Variants in RTF2 observed in about 807,000 individuals in gnomAD.
RTF2 encodes replication termination factor 2.
In RTF2, 18 loss-of-function variants were observed where a neutral mutation model predicts 38.0. The observed-to-expected ratio is 0.47, with a 90% CI of 0.33 to 0.70. The LOEUF is 0.70. Among genes scored for constraint, RTF2 ranks in the 30% least tolerant of loss-of-function variants. RTF2 has a pLI of 0.02. For synonymous variants in RTF2, 126 were observed against 137.1 expected, an observed-to-expected ratio of 0.92 and a Z score of 0.57; for missense variants, 311 against 379.6, an observed-to-expected ratio of 0.82 and a Z score of 1.50.
intron 5 of RTF2, among the ~76,000 whole-genome samples, chr20:56,492,133 CTAA>C (rs1382950956): frequency 6.6e-6 from 1 of 152,042 alleles, no homozygotes; most frequent in Non-Finnish European, 1.5e-5. Context: ...CCATGAACTT[CTAA>C]GTCTTTTCAT....
intron 5 of RTF2, among the ~76,000 whole-genome samples, chr20:56,490,975 G>T (rs1983089249): frequency 6.6e-6 from 1 of 152,246 alleles, no homozygotes; most frequent in Admixed American, 6.5e-5. Context: ...CACCATCACA[G>T]AAGGTGCTAG....
In RTF2 at chr20:56,513,440, C is replaced by T. The variant is rs1180764827; in HGVS notation, c.591+12C>T. ...CGAAGCTGGAAAAGGTAATGGGAGT[C>T]TTCAGGTTCCGCCCAGCCCCCATCT... On this transcript the variant is annotated intron_variant, in intron 6 of 8. Transcript: ENST00000357348. The T allele has an allele frequency of 1.3e-6, 2 of 1,570,094 alleles. No individual in the cohort carries two copies. The highest frequency in any genetic ancestry group is 2.3e-5 in the East Asian group (1 of 42,742).
chr20:56,475,166 C>T (rs918370979), intron 3 of RTF2, among the ~76,000 whole-genome samples: 14 of 152,120 alleles, frequency 9.2e-5, no homozygotes, highest in African/African-American at 3.4e-4. Flanking sequence ...TTCTGATTGG[C>T]AGTTAAAGTT....
intron 5 of RTF2, among the ~76,000 whole-genome samples, chr20:56,493,569 T>G (rs941306498): frequency 6.7e-6 from 1 of 148,986 alleles, no homozygotes; most frequent in African/African-American, 2.5e-5. Flanking sequence ...AGTGAGAAAA[T>G]CACTTGAGCC....
intron 5 of RTF2, among the ~76,000 whole-genome samples, chr20:56,494,893 G>A (rs1353436652): frequency 6.6e-6 from 1 of 152,196 alleles, no homozygotes; most frequent in African/African-American, 2.4e-5. Flanking sequence ...TCTCTGTGCA[G>A]TAGTTCCTGC....
chr20:56,491,120 C>G (rs1266882121), intron 5 of RTF2, among the ~76,000 whole-genome samples: 1 of 152,254 alleles, frequency 6.6e-6, no homozygotes, highest in Non-Finnish European at 1.5e-5. Context: ...AATAGGGTTA[C>G]ATTGCTTGCA....
chr20:56,511,959 A>C (rs1436810872), intron 5 of RTF2, among the ~76,000 whole-genome samples: 2 of 152,102 alleles, frequency 1.3e-5, no homozygotes, highest in East Asian at 1.9e-4. Context: ...CAGCCTCCCG[A>C]GTAGCTGGGA....
intron 3 of RTF2, among the ~76,000 whole-genome samples, chr20:56,475,836 G>GA (rs1454158061): frequency 5.3e-5 from 8 of 151,920 alleles, no homozygotes; most frequent in African/African-American, 2.4e-5. Flanking sequence ...ATATTTAATG[G>GA]AAAAAAACTC....
intron 5 of RTF2, among the ~76,000 whole-genome samples, chr20:56,492,943 C>T (rs891110588): frequency 7.2e-5 from 11 of 152,140 alleles, no homozygotes; most frequent in Non-Finnish European, 8.8e-5. Context: ...TTTGGGAGGC[C>T]GAGGCGGGTG....
At chr20:56,507,497 G>A (rs1984356261) in intron 5 of RTF2, among the ~76,000 whole-genome samples, 1 of 152,166 alleles carries the variant, frequency 6.6e-6, no homozygotes, top group Admixed American at 6.5e-5. Flanking sequence ...TCTAATGTGA[G>A]GGGTTCCTGA....
chr20:56,505,301 CAT>C (rs1249832759), intron 5 of RTF2, among the ~76,000 whole-genome samples: 1 of 151,890 alleles, frequency 6.6e-6, no homozygotes, highest in Non-Finnish European at 1.5e-5. Context: ...AGCCTGGAAA[CAT>C]AGCAAGACCC....
chr20:56,507,647 C>T lies in RTF2; in HGVS notation c.478-5668C>T, dbSNP rs1006032851. ...AGGAGACCGCTTACCCCAACACTGT[C>T]GGAAGGAGGGGCAGCAAGGAGTGAT... On this transcript the variant is annotated intron_variant, in intron 5 of 8. Coordinates refer to ENST00000357348, the MANE Select transcript of RTF2 (RefSeq NM_016407.5). Among the ~76,000 whole-genome samples, 11 of 152,074 alleles carry T rather than the reference C, an allele frequency of 7.2e-5. No individual in the cohort carries two copies. In the East Asian group the frequency reaches 1.9e-3, roughly 27 times the overall value.
At chr20:56,474,235 CT>C (rs1367442777) in intron 2 of RTF2, among the ~76,000 whole-genome samples, 2 of 152,176 alleles carry the variant, frequency 1.3e-5, no homozygotes, top group Admixed American at 6.5e-5. Context: ...GATCCCAGCA[CT>C]TTGGGAGGCT....
chr20:56,517,935 G>GCCAACTCC, intron 8 of RTF2, 152 bp from the exon 9 acceptor site: 1 of 686,558 alleles, frequency 1.5e-6, no homozygotes, highest in African/African-American at 1.8e-5. Flanking sequence ...TGCTTTGCTG[G>GCCAACTCC]AGTTGGCAAT....
At chr20:56,513,570 G>A in intron 6 of RTF2, 142 bp downstream of exon 6, 5 of 1,037,528 alleles carry the variant, frequency 4.8e-6, no homozygotes, top group Non-Finnish European at 6.8e-6. Flanking sequence ...GACTGTAGAA[G>A]CAGATTCCAG....
intron 5 of RTF2, among the ~76,000 whole-genome samples, chr20:56,499,694 T>A (rs1983799655): frequency 6.6e-6 from 1 of 152,048 alleles, no homozygotes; most frequent in African/African-American, 2.4e-5. Context: ...ATGACTTTAG[T>A]ATAGGAAGAA....
At chr20:56,510,978 G>A (rs1259202538) in intron 5 of RTF2, among the ~76,000 whole-genome samples, 1 of 151,584 alleles carries the variant, frequency 6.6e-6, no homozygotes, top group Non-Finnish European at 1.5e-5. Flanking sequence ...ACATGACTAT[G>A]AGTATGTTCC....
intron 5 of RTF2, among the ~76,000 whole-genome samples, chr20:56,505,955 C>T (rs567698056): frequency 6.6e-5 from 10 of 152,086 alleles, no homozygotes; most frequent in Admixed American, 4.6e-4. Context: ...TTAATCCAAG[C>T]CAAAAAGGAG....
intron 5 of RTF2, 115 bp from the exon 6 acceptor site, chr20:56,513,200 T>G: frequency 1.4e-6 from 2 of 1,382,018 alleles, no homozygotes; most frequent in Non-Finnish European, 9.8e-7. Flanking sequence ...AAGCCGGTAA[T>G]AGGAATTTAC....
Sources: gnomAD v4.1 joint callset for allele counts (sites outside exome capture counted in the v4.1 genomes callset) on GRCh38, gnomAD v4.1.1 for gene constraint, MANE v1.5 for transcripts, NCBI Gene and HGNC (gene_info 2026-07-23, HGNC 2026-07-21) for gene names.